DPF3: variants seen among roughly 807,000 people sequenced by gnomAD.
The protein encoded by DPF3 is double PHD fingers 3.
A neutral mutation model predicts 56.8 loss-of-function variants in DPF3; 18 were observed. The observed-to-expected ratio is 0.32, with a 90% confidence interval of 0.22 to 0.47. DPF3 has a LOEUF of 0.47. DPF3 is among the 20% of genes least tolerant of loss of function. The pLI is 1.00. For missense variants in DPF3, 403 were observed against 488.8 expected (o/e 0.82, Z 1.65); for synonymous variants, 188 against 180.2 (o/e 1.04, Z -0.35).
At chr14:72,621,713 C>T (rs148035192) in intron 9 of DPF3, among the ~76,000 whole-genome samples, 220 of 152,242 alleles carry the variant, frequency 1.4e-3, no homozygotes, top group Non-Finnish European at 2.6e-3. Flanking sequence ...TATCCAGGTG[C>T]GTGATGATGG....
rs183900118 is a variant in DPF3 at position 72,800,002 on chromosome 14, T to C, written c.33-28109A>G. On this transcript the variant is annotated intron_variant, in intron 1 of 10. Coordinates refer to ENST00000556509, the MANE Select transcript of DPF3 (RefSeq NM_001280542.3). ...AGTTACATGAGCCCACACATTCCTCTGTGTGCTTAAGCACTATGAGTTGAG... is the reference window on the plus strand; with the variant it reads ...AGTTACATGAGCCCACACATTCCTCCGTGTGCTTAAGCACTATGAGTTGAG... Among the ~76,000 whole-genome samples the C allele has an allele frequency of 1.0e-3, 153 of 152,340 alleles. 1 individual carries two copies. In the Middle Eastern group the frequency reaches 0.017, roughly 17 times the overall value.
At chr14:72,824,551 C>CTTTTTTT (rs375498304) in intron 1 of DPF3, among the ~76,000 whole-genome samples, 19 of 143,246 alleles carry the variant, frequency 1.3e-4, no homozygotes, top group Admixed American at 2.8e-4. Context: ...TTTTCTTTTT[C>CTTTTTTT]TTTTTTTTTT....
At chr14:72,781,763 G>C (rs1240020305) in intron 1 of DPF3, among the ~76,000 whole-genome samples, 1 of 152,142 alleles carries the variant, frequency 6.6e-6, no homozygotes, top group Non-Finnish European at 1.5e-5. Context: ...GAGGACCGTA[G>C]CTTTTCTTGT....
chr14:72,701,333 GGGAGGTCC>G (rs1366674988), intron 6 of DPF3, among the ~76,000 whole-genome samples: 1 of 152,216 alleles, frequency 6.6e-6, no homozygotes, highest in Non-Finnish European at 1.5e-5. Flanking sequence ...GTGACAATAA[GGGAGGTCC>G]AGCTTGCCTT....
intron 5 of DPF3, among the ~76,000 whole-genome samples, chr14:72,716,912 C>T (rs1192610141): frequency 6.6e-6 from 1 of 152,118 alleles, no homozygotes; most frequent in East Asian, 1.9e-4. Context: ...GGGGATCTAC[C>T]TCCACATTGC....
rs956956594 is a variant in DPF3, at chr14:72,652,844, G to T, written c.871+21396C>A. Among the ~76,000 whole-genome samples, 4 of 152,282 alleles carry T rather than the reference G, an allele frequency of 2.6e-5. No homozygotes were observed. The East Asian group carries it at 7.7e-4, about 29-fold the overall frequency. On this transcript the variant is annotated intron_variant, in intron 8 of 10. Coordinates refer to ENST00000556509, the MANE Select transcript of DPF3 (RefSeq NM_001280542.3). ...AGATGAACAAGAGGGAGTTTGCAAGGGTTGGGTGAGACCACGCTGTACAAG... is the reference window on the plus strand; with the variant it reads ...AGATGAACAAGAGGGAGTTTGCAAGTGTTGGGTGAGACCACGCTGTACAAG...
At chr14:72,759,678 C>A (rs7154374) in intron 2 of DPF3, among the ~76,000 whole-genome samples, 145,708 of 152,280 alleles carry the variant, frequency 0.96, 69,734 homozygotes, top group East Asian at 1. Flanking sequence ...TAGGTCTAAG[C>A]AGCTCAATAA....
At chr14:72,834,506 A>G (rs1884203995) in intron 1 of DPF3, among the ~76,000 whole-genome samples, 1 of 151,452 alleles carries the variant, frequency 6.6e-6, no homozygotes, top group South Asian at 2.1e-4. Context: ...AAAAAAAAAA[A>G]AAAAAAAAAA....
At chr14:72,754,132 C>T (rs745871395) in intron 2 of DPF3, among the ~76,000 whole-genome samples, 1 of 152,166 alleles carries the variant, frequency 6.6e-6, no homozygotes, top group Non-Finnish European at 1.5e-5. Flanking sequence ...CCTGCTCACC[C>T]GACAACAATT....
intron 2 of DPF3, among the ~76,000 whole-genome samples, chr14:72,766,958 A>T (rs1891312090): frequency 6.6e-6 from 1 of 152,204 alleles, no homozygotes; most frequent in Non-Finnish European, 1.5e-5. Context: ...CCAAGGGAAG[A>T]GCTGGTGCCT....
chr14:72,654,635 C>G (rs932817692), intron 8 of DPF3, among the ~76,000 whole-genome samples: 3 of 152,124 alleles, frequency 2.0e-5, no homozygotes, highest in African/African-American at 7.2e-5. Flanking sequence ...CTGTAAAATA[C>G]GAATTGTAAT....
At chr14:72,753,646 G>A (rs1890670921) in intron 2 of DPF3, among the ~76,000 whole-genome samples, 1 of 152,074 alleles carries the variant, frequency 6.6e-6, no homozygotes, top group South Asian at 2.1e-4. Context: ...TCTCCTGCCT[G>A]GAGAGATCAC....
At chr14:72,650,638 G>A (rs1885880462) in intron 8 of DPF3, among the ~76,000 whole-genome samples, 2 of 152,046 alleles carry the variant, frequency 1.3e-5, no homozygotes. Context: ...GCTCTCTGTA[G>A]GTGCACACCC....
At chr14:72,666,184 C>T (rs1002030465) in intron 8 of DPF3, among the ~76,000 whole-genome samples, 4 of 152,188 alleles carry the variant, frequency 2.6e-5, no homozygotes, top group African/African-American at 9.7e-5. Context: ...AAAATGTTCA[C>T]TCCCTGCCAC....
chr14:72,721,952 C>G (rs1015312644), intron 5 of DPF3, among the ~76,000 whole-genome samples: 4 of 152,046 alleles, frequency 2.6e-5, no homozygotes, highest in African/African-American at 9.7e-5. Flanking sequence ...TGGTGGGGTG[C>G]AATACAGAAG....
intron 8 of DPF3, among the ~76,000 whole-genome samples, chr14:72,652,300 G>T (rs1176522993): frequency 6.6e-6 from 1 of 152,136 alleles, no homozygotes; most frequent in African/African-American, 2.4e-5. Context: ...AGAGGCGGGT[G>T]GTCCCCATGA....
chr14:72,868,057 A>G, intron 1 of DPF3, among the ~76,000 whole-genome samples: 1 of 152,174 alleles, frequency 6.6e-6, no homozygotes, highest in Non-Finnish European at 1.5e-5. Flanking sequence ...AATAACAGCA[A>G]TAAACTCACC....
intron 1 of DPF3, among the ~76,000 whole-genome samples, chr14:72,863,498 C>T (rs1464814276): frequency 2.0e-5 from 3 of 149,678 alleles, no homozygotes; most frequent in Admixed American, 1.3e-4. Flanking sequence ...GAAGCTGGCA[C>T]CAGAGTGACA....
intron 1 of DPF3, among the ~76,000 whole-genome samples, chr14:72,772,480 T>C (rs903932006): frequency 6.6e-6 from 1 of 152,172 alleles, no homozygotes; most frequent in Non-Finnish European, 1.5e-5. Flanking sequence ...GGCACCAATC[T>C]TTTAAAACCA....
Sources: allele counts gnomAD v4.1 joint callset (sites outside exome capture counted in the v4.1 genomes callset), GRCh38; gene constraint gnomAD v4.1.1; transcripts MANE v1.5; gene names NCBI Gene and HGNC (gene_info 2026-07-23, HGNC 2026-07-21).